ADAMTSL1: variants seen among roughly 807,000 people sequenced by gnomAD.
The protein encoded by ADAMTSL1 is ADAMTS-like protein 1.
Under a neutral mutation model 201.8 loss-of-function variants are expected in ADAMTSL1, and 126 were observed. The observed-to-expected ratio is 0.62, with a 90% confidence interval of 0.54 to 0.72. The LOEUF (loss-of-function observed/expected upper bound fraction) is 0.72. Among genes scored for constraint, ADAMTSL1 ranks in the 30% least tolerant of loss-of-function variants. The pLI is 0.00. For missense variants in ADAMTSL1, 2,679 were observed against 2,277.8 expected (o/e 1.18, Z -3.59); for synonymous variants, 1,121 against 903.4 (o/e 1.24, Z -4.32).
At chr9:18,262,447 A>T (rs996379395) in intron 2 of ADAMTSL1, among the ~76,000 whole-genome samples, 1 of 152,206 alleles carries the variant, frequency 6.6e-6, no homozygotes, top group Non-Finnish European at 1.5e-5. Context: ...ACTAATTTTT[A>T]AAAATGTATA....
chr9:18,847,604 G>A (rs1418580139), intron 23 of ADAMTSL1, among the ~76,000 whole-genome samples: 2 of 152,224 alleles, frequency 1.3e-5, no homozygotes, highest in Non-Finnish European at 2.9e-5. Context: ...TGAGAAAGCA[G>A]TTCTTGAGCA....
At chr9:18,634,293 G>T (rs778699652) in intron 5 of ADAMTSL1, among the ~76,000 whole-genome samples, 33 of 152,284 alleles carry the variant, frequency 2.2e-4, no homozygotes, top group Non-Finnish European at 4.1e-4. Flanking sequence ...GCCAGGTGCA[G>T]TGGCTTACCC....
At chr9:18,884,659 T>C (rs1291326466) in intron 23 of ADAMTSL1, among the ~76,000 whole-genome samples, 1 of 152,232 alleles carries the variant, frequency 6.6e-6, no homozygotes, top group African/African-American at 2.4e-5. Context: ...AAGACTGTCC[T>C]TTCCCCATTG....
At chr9:18,153,513 G>A (rs917593918) in intron 1 of ADAMTSL1, among the ~76,000 whole-genome samples, 1 of 152,048 alleles carries the variant, frequency 6.6e-6, no homozygotes, top group African/African-American at 2.4e-5. Context: ...CATGATAGCA[G>A]TAGTCCTAAT....
chr9:18,296,709 C>A (rs1189388578), intron 2 of ADAMTSL1, among the ~76,000 whole-genome samples: 1 of 152,044 alleles, frequency 6.6e-6, no homozygotes, highest in Admixed American at 6.5e-5. Flanking sequence ...GTTTAAAGTC[C>A]TTTGCTGGAA....
chr9:18,426,905 C>T lies in ADAMTSL1; in HGVS notation c.208-77924C>T, dbSNP rs1354117272. On this transcript the variant is annotated intron_variant, in intron 2 of 29. Coordinates refer to the ADAMTSL1 transcript ENST00000680146. Reference sequence around the variant, plus strand: ...TTTATTTTTTTCAATGAAAGCTGTTCCTTAATGAATCTGGCTAAGATTACA... The same window carrying T: ...TTTATTTTTTTCAATGAAAGCTGTTTCTTAATGAATCTGGCTAAGATTACA... Among the ~76,000 whole-genome samples the T allele has an allele frequency of 2.6e-5, 4 of 152,134 alleles. No homozygotes were observed. In the South Asian group the frequency reaches 6.2e-4, roughly 24 times the overall value.
intron 22 of ADAMTSL1, among the ~76,000 whole-genome samples, chr9:18,828,377 A>G (rs1824731121): frequency 6.6e-6 from 1 of 152,000 alleles, no homozygotes; most frequent in Admixed American, 6.5e-5. Context: ...TGCTCTTAGT[A>G]AATAAGCACA....
At chr9:18,191,086 G>A (rs1828949916) in intron 2 of ADAMTSL1, among the ~76,000 whole-genome samples, 1 of 152,146 alleles carries the variant, frequency 6.6e-6, no homozygotes. Context: ...AAATATTTAG[G>A]TCATATATTT....
rs10673652 is a variant in ADAMTSL1 at position 18,503,421 on chromosome 9, G to GTATATATATATATATATATATATA, written c.64-1388_64-1387insTATATATATATATATATATATATA. Among the ~76,000 whole-genome samples, 439 of 115,042 alleles carry GTATATATATATATATATATATATA rather than the reference G, an allele frequency of 3.8e-3. 6 individuals are homozygous for GTATATATATATATATATATATATA. Among genetic ancestry groups the GTATATATATATATATATATATATA allele is most frequent in the South Asian group, 9.0e-3 (29 of 3,218 alleles). The allele number at this position is 115,042 out of a possible 152,430, so 75.5% of individuals were successfully genotyped here. A position where few individuals can be genotyped will look rare whatever the true frequency, so the allele number is the denominator to read the frequency against. On this transcript the variant is annotated intron_variant, in intron 1 of 28. Transcript: ENST00000380548. Reference sequence around the variant, plus strand: ...TTAAGGCTGAATAGTATTCCATTGTGTATATATATATATATATATACCACA... The same window carrying GTATATATATATATATATATATATA: ...TTAAGGCTGAATAGTATTCCATTGTGTATATATATATATATATATATATATATATATATATATATATATACCACA...
At chr9:18,342,827 A>T (rs1586927424) in intron 2 of ADAMTSL1, among the ~76,000 whole-genome samples, 2 of 152,296 alleles carry the variant, frequency 1.3e-5, no homozygotes, top group Admixed American at 1.3e-4. Flanking sequence ...AATTTAAAAG[A>T]AACTGGACTC....
intron 2 of ADAMTSL1, among the ~76,000 whole-genome samples, chr9:18,343,953 G>A (rs896159059): frequency 1.7e-4 from 26 of 152,068 alleles, no homozygotes; most frequent in African/African-American, 6.0e-4. Context: ...CTCTCCTGAG[G>A]CCCAGGAGAA....
rs1588158064 is a variant in ADAMTSL1, at chr9:18,816,970, T to A, written c.3806-139T>A. ...ATGCTTTTATACTGTGCGCTTGCAA[T>A]TTTTCAAGAGAAAACATAGTTAGTG... On this transcript the variant is annotated intron_variant, in intron 20 of 28. Transcript: ENST00000380548. 3.5e-6 allele frequency: 4 copies of A among 1,135,614 alleles called. No individual in the cohort carries two copies. The East Asian group carries it at 7.9e-5, about 22-fold the overall frequency. The allele number at this position is 1,135,614 out of a possible 1,614,324, so 70.3% of individuals were successfully genotyped here. A position where few individuals can be genotyped will look rare whatever the true frequency, so the allele number is the denominator to read the frequency against.
At chr9:18,074,218 T>G (rs1183757489) in intron 1 of ADAMTSL1, among the ~76,000 whole-genome samples, 1 of 152,184 alleles carries the variant, frequency 6.6e-6, no homozygotes, top group Non-Finnish European at 1.5e-5. Context: ...AGGCTTCCCT[T>G]TGGCTTGTAA....
chr9:18,806,098 G>A lies in ADAMTSL1; in HGVS notation c.3805+10574G>A, dbSNP rs73644674. Among the ~76,000 whole-genome samples the A allele has an allele frequency of 4.6e-3, 706 of 152,290 alleles. 8 individuals are homozygous for A. Among genetic ancestry groups the A allele is most frequent in the African/African-American group, 0.016 (670 of 41,560 alleles). ...ATATTCGTGACTTACAATGTTAAAG[G>A]AATGGAAGGAAGACCCATTGGATCC... On this transcript the variant is annotated intron_variant, in intron 20 of 28. Coordinates refer to ENST00000380548, the MANE Select transcript of ADAMTSL1 (RefSeq NM_001040272.6).
At chr9:18,443,290 C>T (rs1454653102) in intron 2 of ADAMTSL1, among the ~76,000 whole-genome samples, 2 of 152,208 alleles carry the variant, frequency 1.3e-5, no homozygotes, top group African/African-American at 4.8e-5. Flanking sequence ...TTGCTGATGA[C>T]ATCATAGGAA....
intron 2 of ADAMTSL1, among the ~76,000 whole-genome samples, chr9:18,377,783 G>T (rs911323774): frequency 6.6e-6 from 1 of 152,100 alleles, no homozygotes; most frequent in African/African-American, 2.4e-5. Context: ...GGCCAGGCTG[G>T]TCTTGAACTC....
At chr9:18,101,831 A>C (rs1037368822) in intron 1 of ADAMTSL1, among the ~76,000 whole-genome samples, 2 of 152,182 alleles carry the variant, frequency 1.3e-5, no homozygotes, top group African/African-American at 4.8e-5. Context: ...GTGCGTATGC[A>C]GGTATGCATG....
chr9:18,688,132 A>G (rs1428940729), intron 13 of ADAMTSL1, among the ~76,000 whole-genome samples: 3 of 149,918 alleles, frequency 2.0e-5, no homozygotes, highest in African/African-American at 4.9e-5. Context: ...ATATATATAT[A>G]TATATATAGA....
intron 5 of ADAMTSL1, among the ~76,000 whole-genome samples, chr9:18,634,551 T>TA (rs1826977144): frequency 6.6e-6 from 1 of 150,780 alleles, no homozygotes; most frequent in Non-Finnish European, 1.5e-5. Context: ...CTCAAAATAA[T>TA]AATAAGGGCT....
Sources: gnomAD v4.1 joint callset for allele counts (sites outside exome capture counted in the v4.1 genomes callset) on GRCh38, gnomAD v4.1.1 for gene constraint, MANE v1.5 for transcripts, NCBI Gene and HGNC (gene_info 2026-07-23, HGNC 2026-07-21) for gene names.